EPHA6: variants seen among roughly 807,000 people sequenced by gnomAD.
EPHA6 encodes ephrin type-A receptor 6.
EPHA6 carries 50 observed loss-of-function variants against 112.0 expected under a neutral mutation model. The ratio of observed to expected loss-of-function variants is 0.45; its 90% CI spans 0.36 to 0.56. EPHA6 has a LOEUF of 0.56. Ranked by LOEUF, EPHA6 falls within the 20% of genes least tolerant of loss-of-function variation. The pLI is 0.00. For synonymous variants in EPHA6, 529 were observed against 490.7 expected, an observed-to-expected ratio of 1.08 and a Z score of -1.03; for missense variants, 1,280 against 1,417.4, an observed-to-expected ratio of 0.90 and a Z score of 1.56.
chr3:96,992,103 G>A (rs1238394806), intron 3 of EPHA6, among the ~76,000 whole-genome samples: 1 of 152,104 alleles, frequency 6.6e-6, no homozygotes, highest in East Asian at 1.9e-4. Context: ...CATGCTAGTT[G>A]CTAGTTTCAA....
At chr3:97,714,531 A>G (rs1420561594) in intron 14 of EPHA6, among the ~76,000 whole-genome samples, 2 of 152,244 alleles carry the variant, frequency 1.3e-5, no homozygotes, top group African/African-American at 4.8e-5. Flanking sequence ...ATAGTTTTAA[A>G]ACACATGCAC....
intron 3 of EPHA6, among the ~76,000 whole-genome samples, chr3:97,093,575 G>A (rs145191735): frequency 5.3e-5 from 8 of 151,816 alleles, no homozygotes; most frequent in African/African-American, 7.2e-5. Context: ...AAAAATAAAC[G>A]GGATAATACG....
Position 97,335,029 on chromosome 3 carries a change from AC to A in EPHA6, c.1607-70119del, listed in dbSNP as rs537948526. On this transcript the variant is annotated intron_variant, in intron 5 of 17. Coordinates refer to ENST00000389672, the MANE Select transcript of EPHA6 (RefSeq NM_001080448.3). The stretch of plus-strand genomic sequence containing the variant: ...TCAGTTCAGGCTGTAATAACAAAAT[AC>A]CATAGACCAAGTGGCTTAAACAACA... 4.8e-3 allele frequency among the ~76,000 whole-genome samples: 728 copies of A among 152,300 alleles called. 6 individuals carry two copies. The highest frequency in any genetic ancestry group is 0.01 in the Middle Eastern group (3 of 294).
chr3:97,558,293 A>G (rs987528115), intron 11 of EPHA6, among the ~76,000 whole-genome samples: 3 of 151,968 alleles, frequency 2.0e-5, no homozygotes, highest in African/African-American at 7.2e-5. Flanking sequence ...TAGCTGAAAC[A>G]GAACTTCCCC....
chr3:97,605,836 A>G (rs1236595820), intron 12 of EPHA6, among the ~76,000 whole-genome samples: 2 of 151,474 alleles, frequency 1.3e-5, no homozygotes. Context: ...TTTGGGCAGT[A>G]TGGCCATTTA....
chr3:97,480,896 G>C (rs189993089), intron 9 of EPHA6, among the ~76,000 whole-genome samples: 1 of 151,950 alleles, frequency 6.6e-6, no homozygotes, highest in Non-Finnish European at 1.5e-5. Context: ...GAGCAGAGGC[G>C]CTCCCCACAT....
intron 2 of EPHA6, among the ~76,000 whole-genome samples, chr3:96,966,553 T>G (rs1344728158): frequency 6.6e-6 from 1 of 152,156 alleles, no homozygotes; most frequent in Non-Finnish European, 1.5e-5. Flanking sequence ...TAAGCAATGT[T>G]TTTGTTGTTA....
chr3:97,438,804 T>C (rs1661925390), intron 6 of EPHA6, among the ~76,000 whole-genome samples: 1 of 152,078 alleles, frequency 6.6e-6, no homozygotes, highest in Non-Finnish European at 1.5e-5. Context: ...TGTAAAACAG[T>C]TTTACATATT....
chr3:97,362,404 T>A (rs2084422272), intron 5 of EPHA6, among the ~76,000 whole-genome samples: 1 of 152,120 alleles, frequency 6.6e-6, no homozygotes, highest in Admixed American at 6.6e-5. Context: ...TCACATGCGA[T>A]ATTTAGAATT....
chr3:97,641,465 G>A (rs895446081), intron 14 of EPHA6, among the ~76,000 whole-genome samples: 5 of 152,278 alleles, frequency 3.3e-5, no homozygotes, highest in East Asian at 1.9e-4. Context: ...GAATAGCTCC[G>A]GTCTACAGCT....
intron 2 of EPHA6, among the ~76,000 whole-genome samples, chr3:96,943,090 G>A (rs2041065172): frequency 6.6e-6 from 1 of 152,126 alleles, no homozygotes; most frequent in Non-Finnish European, 1.5e-5. Context: ...GTGAGATCAT[G>A]CAATATTTGT....
intron 6 of EPHA6, among the ~76,000 whole-genome samples, chr3:97,446,503 T>C (rs1217896038): frequency 2.0e-5 from 3 of 152,156 alleles, no homozygotes; most frequent in Non-Finnish European, 2.9e-5. Context: ...TATGTAATTA[T>C]CCTGGAGCCA....
rs1005040615 is a variant in EPHA6, at chr3:97,031,056, A to G, written c.1114+43063A>G. Among the ~76,000 whole-genome samples the G allele has an allele frequency of 5.9e-5, 9 of 151,938 alleles. No individual in the cohort carries two copies. The East Asian group carries it at 1.7e-3, about 29-fold the overall frequency. On this transcript the variant is annotated intron_variant, in intron 3 of 17. Coordinates refer to ENST00000389672, the MANE Select transcript of EPHA6 (RefSeq NM_001080448.3). ...ACTGTGAAAATTTGAAGAAAAGTTA[A>G]GAATTTTTTAGAAGTGTACCAGTAC... is the stretch of plus-strand genomic sequence containing the variant.
At chr3:97,252,550 G>T (rs78064662) in intron 5 of EPHA6, among the ~76,000 whole-genome samples, 13,058 of 152,112 alleles carry the variant, frequency 0.086, 1,213 homozygotes, top group Admixed American at 0.22. Context: ...CAGGAATGTG[G>T]TCCTACCTGC....
intron 6 of EPHA6, among the ~76,000 whole-genome samples, chr3:97,424,212 G>T (rs1326101898): frequency 1.3e-5 from 2 of 152,174 alleles, no homozygotes; most frequent in African/African-American, 2.4e-5. Flanking sequence ...TCAGTACCAT[G>T]AGAACAGTAT....
intron 1 of EPHA6, among the ~76,000 whole-genome samples, chr3:96,834,909 C>T (rs913976627): frequency 4.6e-5 from 7 of 151,876 alleles, no homozygotes; most frequent in African/African-American, 1.2e-4. Flanking sequence ...AGCAGGTGTC[C>T]GGCCATACAA....
intron 14 of EPHA6, among the ~76,000 whole-genome samples, chr3:97,710,045 G>A (rs374738683): frequency 3.9e-4 from 59 of 152,300 alleles, no homozygotes; most frequent in South Asian, 3.3e-3. Context: ...TTCTTTCAGC[G>A]AAAGTCTACC....
rs2084493844 is a variant in EPHA6, at chr3:97,363,222, ATATATATATATATAT to A, written c.1607-41927_1607-41913del. 1.8e-4 allele frequency among the ~76,000 whole-genome samples: 13 copies of A among 72,454 alleles called. 1 individual carries two copies. Among genetic ancestry groups the A allele is most frequent in the Non-Finnish European group, 3.1e-4 (9 of 28,918 alleles). The allele number at this position is 72,454 out of a possible 152,430, so 47.5% of individuals were successfully genotyped here. ...TATATATATATATATATATATATAT[ATATATATATATATAT>A]AAATCTCAGATGCTACAAAAACTAA... On this transcript the variant is annotated intron_variant, in intron 5 of 17. Coordinates refer to ENST00000389672, the MANE Select transcript of EPHA6 (RefSeq NM_001080448.3).
intron 10 of EPHA6, among the ~76,000 whole-genome samples, chr3:97,487,110 T>C (rs1387273048): frequency 6.6e-6 from 1 of 152,090 alleles, no homozygotes; most frequent in Non-Finnish European, 1.5e-5. Context: ...GTTGTGACAA[T>C]TGTCAAGTGC....
Sources: allele counts gnomAD v4.1 joint callset (sites outside exome capture counted in the v4.1 genomes callset), GRCh38; gene constraint gnomAD v4.1.1; transcripts MANE v1.5; gene names NCBI Gene and HGNC (gene_info 2026-07-23, HGNC 2026-07-21).